Variants in NAV2 observed in about 807,000 individuals in gnomAD.
The protein encoded by NAV2 is neuron navigator 2.
NAV2 carries 54 observed loss-of-function variants against 223.2 expected under a neutral mutation model. The ratio of observed to expected loss-of-function variants is 0.24; its 90% CI spans 0.19 to 0.30. NAV2 has a LOEUF of 0.30. Ranked by LOEUF, NAV2 falls within the 10% of genes least tolerant of loss-of-function variation. The probability of loss-of-function intolerance (pLI) is 1.00; values close to 1 mark genes in which losing one functional copy is unlikely to be tolerated. For missense variants in NAV2, 2,806 were observed against 3,147.5 expected (o/e 0.89, Z 2.60); for synonymous variants, 1,279 against 1,239.3 (o/e 1.03, Z -0.67).
chr11:19,538,891 T>A (rs1016896868), intron 1 of NAV2, among the ~76,000 whole-genome samples: 5 of 146,426 alleles, frequency 3.4e-5, no homozygotes, highest in African/African-American at 5.3e-5. Flanking sequence ...TAATGACATT[T>A]TATATATATA....
intron 1 of NAV2, among the ~76,000 whole-genome samples, chr11:19,509,993 T>C (rs2134220559): frequency 6.6e-6 from 1 of 152,318 alleles, no homozygotes; most frequent in East Asian, 1.9e-4. Context: ...ATCTATCAAA[T>C]ATTTCAGTTC....
At chr11:19,842,635 C>T (rs960507392) in intron 2 of NAV2, among the ~76,000 whole-genome samples, 1 of 152,204 alleles carries the variant, frequency 6.6e-6, no homozygotes, top group African/African-American at 2.4e-5. Flanking sequence ...AGACTGTCAT[C>T]GATGCAGTTG....
rs528652866 is a variant in NAV2, at chr11:19,697,443, T to A, written c.76-135041T>A. ...TTAATCTATAATAAAATTTGAAATT[T>A]AAAAAAAAAGGAACTGTCCTGCCTC... On this transcript the variant is annotated intron_variant, in intron 1 of 37. Coordinates refer to the NAV2 transcript ENST00000360655. 3.3e-3 allele frequency among the ~76,000 whole-genome samples: 494 copies of A among 148,912 alleles called. 3 individuals carry two copies. Among genetic ancestry groups the A allele is most frequent in the African/African-American group, 0.012 (473 of 40,716 alleles).
chr11:19,755,357 C>T (rs1463119204), intron 1 of NAV2, among the ~76,000 whole-genome samples: 2 of 152,064 alleles, frequency 1.3e-5, no homozygotes, highest in Non-Finnish European at 2.9e-5. Context: ...GAGCTACATC[C>T]CATGCATGGA....
chr11:19,542,716 A>C (rs2044373651), intron 1 of NAV2, among the ~76,000 whole-genome samples: 1 of 152,210 alleles, frequency 6.6e-6, no homozygotes, highest in South Asian at 2.1e-4. Flanking sequence ...ACACATACTC[A>C]ATTAATATCT....
rs188362955 is a variant in NAV2 at position 19,498,531 on chromosome 11, C to T, written c.75+147504C>T. On this transcript the variant is annotated intron_variant, in intron 1 of 37. Coordinates refer to the NAV2 transcript ENST00000360655. ...ACAGAAGGTATTCAAGAAATGTTTTCTTCCTTTTCCCATCCACCCCCATAA... is the reference window on the plus strand; with the variant it reads ...ACAGAAGGTATTCAAGAAATGTTTTTTTCCTTTTCCCATCCACCCCCATAA... Among the ~76,000 whole-genome samples, 474 of 152,330 alleles carry T rather than the reference C, an allele frequency of 3.1e-3. 2 individuals carry two copies. The highest frequency in any genetic ancestry group is 0.011 in the African/African-American group (440 of 41,582).
intron 8 of NAV2, among the ~76,000 whole-genome samples, chr11:19,941,160 AT>A (rs1214903530): frequency 2.0e-5 from 3 of 152,088 alleles, no homozygotes; most frequent in Non-Finnish European, 4.4e-5. Flanking sequence ...TATTACTTAG[AT>A]TTCAGAGTGA....
At chr11:19,537,379 A>T (rs2044220029) in intron 1 of NAV2, among the ~76,000 whole-genome samples, 1 of 152,230 alleles carries the variant, frequency 6.6e-6, no homozygotes, top group African/African-American at 2.4e-5. Context: ...TAATATTATT[A>T]TCTCCATTTT....
chr11:19,877,471 T>TTTTTTTTTTTTTTCTTTTTTCTTTTC lies in NAV2; in HGVS notation c.512-2385_512-2384insCTTTTTTCTTTTCTTTTTTTTTTTTT, dbSNP rs1555114922. On this transcript the variant is annotated intron_variant, in intron 4 of 37. Transcript: ENST00000349880. ...GACCTTGCTTGGCTTATCTTCATTC[T>TTTTTTTTTTTTTTCTTTTTTCTTTTC]TTTTTTTTTTTTTTTTTTTGAGACA... Among the ~76,000 whole-genome samples, 363 of 105,372 alleles carry TTTTTTTTTTTTTTCTTTTTTCTTTTC rather than the reference T, an allele frequency of 3.4e-3. 45 individuals are homozygous for TTTTTTTTTTTTTTCTTTTTTCTTTTC. The highest frequency in any genetic ancestry group is 9.4e-3 in the African/African-American group (237 of 25,320). The allele number at this position is 105,372 out of a possible 152,430, so 69.1% of individuals were successfully genotyped here.
chr11:19,404,547 T>G (rs796107055), intron 1 of NAV2, among the ~76,000 whole-genome samples: 4 of 47,818 alleles, frequency 8.4e-5, no homozygotes, highest in African/African-American at 2.0e-4. Flanking sequence ...AGATATAGTT[T>G]CTGCAGCTTT....
At chr11:20,081,540 C>T (rs2060092739) in intron 25 of NAV2, among the ~76,000 whole-genome samples, 2 of 152,212 alleles carry the variant, frequency 1.3e-5, no homozygotes, top group South Asian at 4.1e-4. Context: ...CCTCTTCCAC[C>T]TGGCTTTTCA....
chr11:19,970,571 T>G (rs1453811304), intron 10 of NAV2, among the ~76,000 whole-genome samples: 1 of 152,206 alleles, frequency 6.6e-6, no homozygotes, highest in Non-Finnish European at 1.5e-5. Flanking sequence ...CTGGGGATTT[T>G]GAAGCAAAAG....
At chr11:19,995,289 G>A (rs1424295685) in intron 11 of NAV2, among the ~76,000 whole-genome samples, 2 of 152,200 alleles carry the variant, frequency 1.3e-5, no homozygotes, top group Non-Finnish European at 2.9e-5. Flanking sequence ...GCAGGGCAGG[G>A]ACTCTGTGAA....
At position 19,943,023 on chromosome 11, in the gene NAV2, C is replaced by T. The variant is rs551234313; in HGVS notation, c.2146+3250C>T. On this transcript the variant is annotated intron_variant, in intron 8 of 37. Coordinates refer to ENST00000349880, the MANE Select transcript of NAV2 (RefSeq NM_145117.5). ...TTGAATTTCTAACGGAGGGTTAAGA[C>T]CAGCAACAATATGTCATTAATAGAG... 2.0e-5 allele frequency among the ~76,000 whole-genome samples: 3 copies of T among 152,174 alleles called. No homozygotes were observed. The East Asian group carries it at 5.8e-4, about 29-fold the overall frequency.
At chr11:19,605,468 G>T (rs776739431) in intron 1 of NAV2, among the ~76,000 whole-genome samples, 13 of 151,312 alleles carry the variant, frequency 8.6e-5, no homozygotes, top group Non-Finnish European at 1.9e-4. Flanking sequence ...AACATATACT[G>T]CAGGAAAATA....
At chr11:19,460,520 G>A (rs920440597) in intron 1 of NAV2, among the ~76,000 whole-genome samples, 16 of 151,874 alleles carry the variant, frequency 1.1e-4, no homozygotes, top group African/African-American at 3.1e-4. Flanking sequence ...CTTCCCTTGC[G>A]CTTCCCAGGT....
intron 1 of NAV2, among the ~76,000 whole-genome samples, chr11:19,525,221 G>T (rs1267401255): frequency 6.6e-6 from 1 of 152,190 alleles, no homozygotes; most frequent in African/African-American, 2.4e-5. Context: ...GCCCCAGAGA[G>T]GTGCACTGAT....
intron 1 of NAV2, among the ~76,000 whole-genome samples, chr11:19,781,938 C>A (rs1041649788): frequency 5.3e-5 from 8 of 152,128 alleles, no homozygotes; most frequent in Admixed American, 3.3e-4. Context: ...AGACTGATTC[C>A]CATCTTAACA....
At chr11:19,579,320 C>A (rs1392477572) in intron 1 of NAV2, among the ~76,000 whole-genome samples, 3 of 152,182 alleles carry the variant, frequency 2.0e-5, no homozygotes, top group Non-Finnish European at 4.4e-5. Flanking sequence ...TGGTTCCTGG[C>A]AAATATTAAG....
Sources: gnomAD v4.1 joint callset for allele counts (sites outside exome capture counted in the v4.1 genomes callset) on GRCh38, gnomAD v4.1.1 for gene constraint, MANE v1.5 for transcripts, NCBI Gene and HGNC (gene_info 2026-07-23, HGNC 2026-07-21) for gene names.